GALNT18: variants seen among roughly 807,000 people sequenced by gnomAD.
GALNT18 encodes GalNAc-transferase 18.
Under a neutral mutation model 69.5 loss-of-function variants are expected in GALNT18, and 44 were observed. That is an observed-to-expected ratio of 0.63 (90% CI 0.50 to 0.81). GALNT18 has a LOEUF of 0.81. Among genes scored for constraint, GALNT18 ranks in the 40% least tolerant of loss-of-function variants. GALNT18 has a pLI of 0.00. For missense variants in GALNT18, 715 were observed against 810.0 expected (o/e 0.88, Z 1.42); for synonymous variants, 364 against 318.2 (o/e 1.14, Z -1.53).
At chr11:11,553,622 C>A (rs996645409) in intron 1 of GALNT18, among the ~76,000 whole-genome samples, 13 of 152,116 alleles carry the variant, frequency 8.5e-5, no homozygotes, top group African/African-American at 3.1e-4. Flanking sequence ...ATGGGAAAGC[C>A]CCTGGGAAGG....
intron 1 of GALNT18, among the ~76,000 whole-genome samples, chr11:11,456,301 G>A (rs111513569): frequency 2.0e-5 from 3 of 152,168 alleles, no homozygotes; most frequent in African/African-American, 7.2e-5. Flanking sequence ...TTATTGCTGA[G>A]CTCACAGTCC....
chr11:11,530,849 C>T lies in GALNT18; in HGVS notation c.236-81913G>A, dbSNP rs189704936. Among the ~76,000 whole-genome samples the T allele has an allele frequency of 1.0e-3, 154 of 152,346 alleles. 1 individual carries two copies. Among genetic ancestry groups the T allele is most frequent in the South Asian group, 6.8e-3 (33 of 4,828 alleles). ...AGCATGGAGCCATCAGCTCCCACTTCCTGGCAAAAGTCCTACTGAGACTAG... is the reference window on the plus strand; with the variant it reads ...AGCATGGAGCCATCAGCTCCCACTTTCTGGCAAAAGTCCTACTGAGACTAG... On this transcript the variant is annotated intron_variant, in intron 1 of 10. Transcript: ENST00000227756.
In GALNT18 at chr11:11,439,135, G is replaced by A. The variant is rs1465017629; in HGVS notation, c.429-6348C>T. On this transcript the variant is annotated intron_variant, in intron 2 of 10. Transcript: ENST00000227756. This position sits in a 1 kb window ranked among gnomAD's most constrained non-coding sequence, Gnocchi z 4.4. ...CCACTGGACAATGGAGGGGTTGAAT[G>A]TAGGAGATCCTAAGAAGATGATAAG... 6.6e-6 allele frequency among the ~76,000 whole-genome samples: 1 copy of A among 152,210 alleles called. No homozygotes were observed. Among genetic ancestry groups the A allele is most frequent in the Non-Finnish European group, 1.5e-5 (1 of 68,034 alleles).
rs80062430 is a variant in GALNT18, at chr11:11,339,879, G to C, written c.1278+940C>G. ...CAACATTAGCTTGGTGTAGAGTTTAGGTAACAGGGCTTTCATATGATCACT... is the reference window on the plus strand; with the variant it reads ...CAACATTAGCTTGGTGTAGAGTTTACGTAACAGGGCTTTCATATGATCACT... On this transcript the variant is annotated intron_variant, in intron 7 of 10. Coordinates refer to ENST00000227756, the MANE Select transcript of GALNT18 (RefSeq NM_198516.3). The surrounding 1 kb of genome is among the most constrained non-coding windows in gnomAD (Gnocchi z 5.2). Among the ~76,000 whole-genome samples, 1,049 of 152,254 alleles carry C rather than the reference G, an allele frequency of 6.9e-3. 12 individuals are homozygous for C. The highest frequency in any genetic ancestry group is 0.024 in the African/African-American group (1,015 of 41,540).
intron 1 of GALNT18, among the ~76,000 whole-genome samples, chr11:11,611,011 A>C (rs1215509217): frequency 6.6e-6 from 1 of 152,264 alleles, no homozygotes; most frequent in Admixed American, 6.5e-5. Flanking sequence ...ATGCTAACCA[A>C]GGCACAGCTA....
intron 1 of GALNT18, among the ~76,000 whole-genome samples, chr11:11,502,944 C>T (rs1307478394): frequency 6.6e-6 from 1 of 152,166 alleles, no homozygotes; most frequent in Admixed American, 6.5e-5. Flanking sequence ...TATTGGTCTG[C>T]CCCATACAGA....
intron 3 of GALNT18, among the ~76,000 whole-genome samples, chr11:11,422,944 T>TG (rs1855043305): frequency 6.6e-6 from 1 of 152,186 alleles, no homozygotes; most frequent in African/African-American, 2.4e-5. Flanking sequence ...CAGGTAGCAG[T>TG]GGGTGGTGAA....
rs1033754121 is a variant in GALNT18 at position 11,584,903 on chromosome 11, C to G, written c.235+36456G>C. On this transcript the variant is annotated intron_variant, in intron 1 of 10. Coordinates refer to ENST00000227756, the MANE Select transcript of GALNT18 (RefSeq NM_198516.3). This position sits in a 1 kb window ranked among gnomAD's most constrained non-coding sequence, Gnocchi z 4.1. ...GAAAATAAGTGATAATATTTTTCCC[C>G]AGTGATAAAATCCAAGCTTTTAAGG... Among the ~76,000 whole-genome samples the G allele has an allele frequency of 1.3e-5, 2 of 152,144 alleles. No homozygotes were observed. The highest frequency in any genetic ancestry group is 1.5e-5 in the Non-Finnish European group (1 of 68,036).
rs1860038861 is a variant in GALNT18 at position 11,616,028 on chromosome 11, G to T, written c.235+5331C>A. On this transcript the variant is annotated intron_variant, in intron 1 of 10. Coordinates refer to ENST00000227756, the MANE Select transcript of GALNT18 (RefSeq NM_198516.3). The surrounding 1 kb of genome is among the most constrained non-coding windows in gnomAD (Gnocchi z 4.4). ...TCTTTTTTTCTTTGTAGAGATGGGG[G>T]TCTCACCATGTTGTCCAGGTTGGTC... 6.6e-6 allele frequency among the ~76,000 whole-genome samples: 1 copy of T among 151,658 alleles called. No individual in the cohort carries two copies. Among genetic ancestry groups the T allele is most frequent in the Non-Finnish European group, 1.5e-5 (1 of 67,952 alleles).
chr11:11,399,415 G>T (rs1416774722), intron 3 of GALNT18, among the ~76,000 whole-genome samples: 1 of 152,150 alleles, frequency 6.6e-6, no homozygotes, highest in African/African-American at 2.4e-5. Context: ...ATTGAAAAGG[G>T]GTGGGTTTTG....
rs148473237 is a variant in GALNT18 at position 11,612,676 on chromosome 11, CTTG to C, written c.235+8680_235+8682del. The stretch of plus-strand genomic sequence containing the variant: ...GGCGAAGCCCAACAAAGCACCAGAG[CTTG>C]TTAAGATGCAGCACTCAACAATCTT... On this transcript the variant is annotated intron_variant, in intron 1 of 10. Transcript: ENST00000227756. Among the ~76,000 whole-genome samples, 17 of 152,354 alleles carry C rather than the reference CTTG, an allele frequency of 1.1e-4. No individual in the cohort carries two copies. The East Asian group carries it at 3.3e-3, about 29-fold the overall frequency.
intron 3 of GALNT18, among the ~76,000 whole-genome samples, chr11:11,381,653 C>T (rs544448760): frequency 6.6e-6 from 1 of 152,292 alleles, no homozygotes; most frequent in Admixed American, 6.5e-5. Flanking sequence ...TGCTGTCTTG[C>T]TGCCCTAACT....
In GALNT18 at chr11:11,372,563, G is replaced by A. The variant is rs1399077530; in HGVS notation, c.1044C>T (p.Asp348=). The A allele has an allele frequency of 3.1e-6, 5 of 1,614,064 alleles. No homozygotes were observed. Among genetic ancestry groups the A allele is most frequent in the Admixed American group, 1.7e-5 (1 of 60,016 alleles). The change falls in exon 6 of 11, where the codon GAC becomes GAT. Residue 348 remains aspartate (D), a synonymous_variant. Transcript: ENST00000227756. The surrounding 1 kb of genome is among the most constrained non-coding windows in gnomAD (Gnocchi z 4.9). ...RQYFQEIGLL[D]EGMEVYGGEN... ...CGCCCCCGTAGACTTCCATGCCTTC[G>A]TCCAGCAGGCCGATCTCCTGGAAGT...
chr11:11,277,633 AT>A lies in GALNT18; in HGVS notation c.1678-6344del, dbSNP rs570619647. ...ATCTTTCCTGCTTTCTCTTGTGGGC[AT>A]TTAGTGCTATACATTTCCCTCTACA... is the stretch of plus-strand genomic sequence containing the variant. On this transcript the variant is annotated intron_variant, in intron 10 of 10. Transcript: ENST00000227756. Among the ~76,000 whole-genome samples the A allele has an allele frequency of 3.8e-3, 574 of 152,270 alleles. 3 individuals are homozygous for A. Among genetic ancestry groups the A allele is most frequent in the African/African-American group, 0.013 (549 of 41,548 alleles).
intron 1 of GALNT18, among the ~76,000 whole-genome samples, chr11:11,509,365 G>C (rs1174878916): frequency 6.6e-6 from 1 of 152,086 alleles, no homozygotes; most frequent in Non-Finnish European, 1.5e-5. Context: ...TGCTGGAATT[G>C]TTTTTATATA....
intron 10 of GALNT18, among the ~76,000 whole-genome samples, chr11:11,291,446 G>A (rs906682904): frequency 3.3e-5 from 5 of 151,416 alleles, no homozygotes; most frequent in African/African-American, 1.2e-4. Flanking sequence ...GTTTGGTGAG[G>A]ATTAAATGAG....
In GALNT18 at chr11:11,621,322, G is replaced by T; in HGVS notation, c.235+37C>A. ...CCCGCGCCGCGCGGGGCACTCCCGG[G>T]CCTCATGGGCGACCCAAGTTTCCGG... On this transcript the variant is annotated intron_variant, in intron 1 of 10. Transcript: ENST00000227756. This position sits in a 1 kb window ranked among gnomAD's most constrained non-coding sequence, Gnocchi z 9.3. 1 of 1,577,694 alleles carries T rather than the reference G, an allele frequency of 6.3e-7. No individual in the cohort carries two copies. The highest frequency in any genetic ancestry group is 1.1e-5 in the South Asian group (1 of 89,898).
Position 11,601,727 on chromosome 11 carries a change from C to T in GALNT18, c.235+19632G>A, listed in dbSNP as rs971141902. 2.6e-5 allele frequency among the ~76,000 whole-genome samples: 4 copies of T among 152,116 alleles called. No individual in the cohort carries two copies. The highest frequency in any genetic ancestry group is 4.8e-5 in the African/African-American group (2 of 41,406). On this transcript the variant is annotated intron_variant, in intron 1 of 10. Transcript: ENST00000227756. The surrounding 1 kb of genome is among the most constrained non-coding windows in gnomAD (Gnocchi z 4.0). ...TTATGTCTGTTAAACTACAGTAAGT[C>T]CTCACTTAACATCATCAATAGATTC...
intron 8 of GALNT18, among the ~76,000 whole-genome samples, chr11:11,329,398 G>C (rs1427899647): frequency 1.3e-5 from 2 of 152,126 alleles, no homozygotes; most frequent in African/African-American, 2.4e-5. Context: ...TTTTAAGGAT[G>C]AAGGAACTGT....
Sources: allele counts gnomAD v4.1 joint callset (sites outside exome capture counted in the v4.1 genomes callset), GRCh38; gene constraint gnomAD v4.1.1; non-coding constraint Gnocchi (gnomAD v3.1); transcripts MANE v1.5; gene names NCBI Gene and HGNC (gene_info 2026-07-23, HGNC 2026-07-21).